The following SYBU variants were observed in gnomAD, a reference collection of about 807,000 sequenced individuals.
SYBU encodes GOLSYN A protein.
Under a neutral mutation model 35.9 loss-of-function variants are expected in SYBU, and 21 were observed. The observed-to-expected ratio is 0.58, with a 90% CI of 0.41 to 0.84. The LOEUF is 0.84. Ranked by LOEUF, SYBU falls within the 40% of genes least tolerant of loss-of-function variation. SYBU has a pLI of 0.00. For missense variants in SYBU, 768 were observed against 848.2 expected, an observed-to-expected ratio of 0.91 and a Z score of 1.17; for synonymous variants, 319 against 324.3, an observed-to-expected ratio of 0.98 and a Z score of 0.18.
chr8:109,667,985 C>G (rs3134323), intron 1 of SYBU, among the ~76,000 whole-genome samples: 34,042 of 151,934 alleles, frequency 0.22, 3,936 homozygotes, highest in East Asian at 0.46. Flanking sequence ...TTAGTGAGAG[C>G]TGGCGTGACA....
At chr8:109,678,358 C>G (rs899850100) in intron 1 of SYBU, among the ~76,000 whole-genome samples, 2 of 149,326 alleles carry the variant, frequency 1.3e-5, no homozygotes, top group East Asian at 4.0e-4. Context: ...CCAGTTCTCA[C>G]TTTGTCTTAT....
intron 1 of SYBU, among the ~76,000 whole-genome samples, chr8:109,659,948 C>T (rs554107615): frequency 1.3e-5 from 2 of 152,086 alleles, no homozygotes; most frequent in South Asian, 2.1e-4. Flanking sequence ...TAAAAAAGAA[C>T]AAAAATGTTT....
chr8:109,685,032 G>T (rs1177409585), upstream of SYBU, among the ~76,000 whole-genome samples: 1 of 152,180 alleles, frequency 6.6e-6, no homozygotes, highest in Non-Finnish European at 1.5e-5. Flanking sequence ...CTGAAGGATA[G>T]TTTGGGGGTT....
chr8:109,583,706 C>A (rs946232193), intron 4 of SYBU, among the ~76,000 whole-genome samples: 1 of 152,158 alleles, frequency 6.6e-6, no homozygotes. Context: ...GAGCTGCCCC[C>A]CCATGCGTGG....
chr8:109,661,285 G>T (rs1013635868), intron 1 of SYBU, among the ~76,000 whole-genome samples: 5 of 152,206 alleles, frequency 3.3e-5, no homozygotes, highest in African/African-American at 1.2e-4. Flanking sequence ...GTGAGGAGCA[G>T]CTAAAGAAAC....
intron 3 of SYBU, among the ~76,000 whole-genome samples, chr8:109,597,883 T>A (rs564060393): frequency 6.6e-6 from 1 of 152,264 alleles, no homozygotes; most frequent in Non-Finnish European, 1.5e-5. Context: ...GTTGAGCGAG[T>A]CAGGCAATTA....
At chr8:109,632,445 T>C (rs1433217797) in intron 2 of SYBU, among the ~76,000 whole-genome samples, 1 of 152,224 alleles carries the variant, frequency 6.6e-6, no homozygotes, top group Non-Finnish European at 1.5e-5. Flanking sequence ...CAATGTATCT[T>C]TTCCTTTCCT....
chr8:109,644,676 G>A lies in SYBU; in HGVS notation c.-17C>T. On this transcript the variant is annotated 5_prime_UTR_variant, in exon 1 of 7. Coordinates refer to ENST00000276646, the MANE Select transcript of SYBU (RefSeq NM_001099754.2). Reference sequence around the variant, plus strand: ...GGGCCCCATCGCGCCGCTGCCCGCCGGCTCCTCGCGCCGCCGCTGCCGCCG... The same window carrying A: ...GGGCCCCATCGCGCCGCTGCCCGCCAGCTCCTCGCGCCGCCGCTGCCGCCG... 7 of 1,512,842 alleles carry A rather than the reference G, an allele frequency of 4.6e-6. No individual in the cohort carries two copies. The highest frequency in any genetic ancestry group is 6.2e-6 in the Non-Finnish European group (7 of 1,137,906). 93.7% of individuals were successfully genotyped at this position (1,512,842 alleles called of 1,614,324 possible).
rs985061465 is a variant in SYBU at position 109,574,136 on chromosome 8, A to G, written c.*770T>C. ...GATAAAGATGTAAGATCTGCTATTC[A>G]TTGTCTTTCTTATACATAGAAGTAA... On this transcript the variant is annotated 3_prime_UTR_variant, in exon 7 of 7. Coordinates refer to ENST00000276646, the MANE Select transcript of SYBU (RefSeq NM_001099754.2). 6.6e-6 allele frequency: 1 copy of G among 152,160 alleles called. No homozygotes were observed. The highest frequency in any genetic ancestry group is 1.9e-4 in the East Asian group (1 of 5,194). The allele number at this position is 152,160 out of a possible 1,614,324, so 9.4% of individuals were successfully genotyped here.
At chr8:109,577,000 C>A (rs915418299) in intron 6 of SYBU, among the ~76,000 whole-genome samples, 1 of 152,122 alleles carries the variant, frequency 6.6e-6, no homozygotes, top group Non-Finnish European at 1.5e-5. Context: ...TCTGACTCAC[C>A]CCAGAGGGGA....
chr8:109,599,693 C>T (rs1825297698), intron 3 of SYBU, among the ~76,000 whole-genome samples: 1 of 152,162 alleles, frequency 6.6e-6, no homozygotes, highest in African/African-American at 2.4e-5. Flanking sequence ...TCCTTGTGGC[C>T]CTGAGCAGTT....
At chr8:109,639,109 C>G (rs1436509907) in intron 2 of SYBU, among the ~76,000 whole-genome samples, 1 of 152,166 alleles carries the variant, frequency 6.6e-6, no homozygotes, top group East Asian at 1.9e-4. Context: ...GGAAATAGTT[C>G]TATTCTTTTC....
chr8:109,624,581 C>G (rs1279877662), intron 2 of SYBU, among the ~76,000 whole-genome samples: 1 of 152,090 alleles, frequency 6.6e-6, no homozygotes, highest in Non-Finnish European at 1.5e-5. Context: ...CCAAATGCAC[C>G]CATCGAGTCT....
chr8:109,678,776 T>G (rs1375118124), intron 1 of SYBU, among the ~76,000 whole-genome samples: 1 of 152,150 alleles, frequency 6.6e-6, no homozygotes, highest in African/African-American at 2.4e-5. Context: ...AGACAATTCT[T>G]ACTAAGGCAG....
intron 3 of SYBU, among the ~76,000 whole-genome samples, chr8:109,612,701 G>C (rs2703381): frequency 0.3 from 46,351 of 152,074 alleles, 7,948 homozygotes; most frequent in African/African-American, 0.45. Context: ...CCACCCAGGC[G>C]GAGTGCGGTG....
chr8:109,638,542 C>CTTTTTTT (rs531636992), intron 2 of SYBU, among the ~76,000 whole-genome samples: 2 of 151,120 alleles, frequency 1.3e-5, no homozygotes, highest in Non-Finnish European at 2.9e-5. Context: ...AAACAAAAAA[C>CTTTTTTT]TTTTTTTTTA....
intron 2 of SYBU, among the ~76,000 whole-genome samples, chr8:109,634,267 T>C (rs185507294): frequency 1.5e-3 from 235 of 152,238 alleles, no homozygotes; most frequent in African/African-American, 5.4e-3. Context: ...GAGTGGGGCA[T>C]TTTCTGGTTT....
intron 3 of SYBU, among the ~76,000 whole-genome samples, chr8:109,592,638 A>C (rs1407673073): frequency 1.3e-5 from 2 of 152,248 alleles, no homozygotes; most frequent in African/African-American, 4.8e-5. Flanking sequence ...CATCTGCTGA[A>C]CAAGAAGAGT....
intron 1 of SYBU, among the ~76,000 whole-genome samples, chr8:109,656,829 A>C (rs1816373952): frequency 1.3e-5 from 2 of 152,208 alleles, no homozygotes. Flanking sequence ...CATGGAGAAT[A>C]AAGGTAGAAT....
Sources: allele counts gnomAD v4.1 joint callset (sites outside exome capture counted in the v4.1 genomes callset), GRCh38; gene constraint gnomAD v4.1.1; transcripts MANE v1.5; gene names NCBI Gene and HGNC (gene_info 2026-07-23, HGNC 2026-07-21).